Variants in PLXDC2 observed in about 807,000 individuals in gnomAD.
PLXDC2 encodes the protein plexin domain-containing protein 2.
Under a neutral mutation model 68.9 loss-of-function variants are expected in PLXDC2, and 40 were observed. That is an observed-to-expected ratio of 0.58 (90% CI 0.45 to 0.76). PLXDC2 has a LOEUF of 0.76. Among genes scored for constraint, PLXDC2 ranks in the 30% least tolerant of loss-of-function variants. The probability of loss-of-function intolerance (pLI) is 0.00; values close to 1 mark genes in which losing one functional copy is unlikely to be tolerated. For missense variants in PLXDC2, 644 were observed against 661.9 expected (o/e 0.97, Z 0.30); for synonymous variants, 243 against 234.2 (o/e 1.04, Z -0.34).
intron 4 of PLXDC2, among the ~76,000 whole-genome samples, chr10:20,142,387 A>G (rs1834018148): frequency 6.6e-6 from 1 of 152,082 alleles, no homozygotes; most frequent in African/African-American, 2.4e-5. Flanking sequence ...TTCTTAGATT[A>G]ATATTAAAAT....
intron 1 of PLXDC2, among the ~76,000 whole-genome samples, chr10:19,959,954 A>G (rs900033114): frequency 1.3e-5 from 2 of 152,208 alleles, no homozygotes; most frequent in African/African-American, 4.8e-5. Context: ...TATGTGGCAC[A>G]GATGTGAAAA....
intron 12 of PLXDC2, among the ~76,000 whole-genome samples, chr10:20,227,208 A>T (rs1835298422): frequency 6.6e-6 from 1 of 152,284 alleles, no homozygotes; most frequent in East Asian, 1.9e-4. Flanking sequence ...AGATGCAAAG[A>T]TCTACATGGT....
chr10:20,138,517 T>C (rs964688561), intron 4 of PLXDC2, among the ~76,000 whole-genome samples: 2 of 152,264 alleles, frequency 1.3e-5, no homozygotes, highest in Non-Finnish European at 2.9e-5. Flanking sequence ...CATGTGGCTT[T>C]AGGCAAATTG....
intron 13 of PLXDC2, among the ~76,000 whole-genome samples, chr10:20,276,527 T>G (rs1836009004): frequency 1.3e-5 from 2 of 152,166 alleles, no homozygotes; most frequent in Admixed American, 1.3e-4. Flanking sequence ...TTCTCAGAAA[T>G]GAAATTAGAA....
In PLXDC2 at chr10:20,116,507, CA is replaced by C. The variant is rs1254536701; in HGVS notation, c.542-26787del. On this transcript the variant is annotated intron_variant, in intron 4 of 13. Transcript: ENST00000377252. Reference sequence around the variant, plus strand: ...TAATAAGCCATTTTTTTTTTGAGAGCACTTCTTAATGCTTTACTTTGGTTGG... The same window carrying C: ...TAATAAGCCATTTTTTTTTTGAGAGCCTTCTTAATGCTTTACTTTGGTTGG... Among the ~76,000 whole-genome samples the C allele has an allele frequency of 2.6e-5, 4 of 151,836 alleles. No homozygotes were observed. In the East Asian group the frequency reaches 7.7e-4, roughly 29 times the overall value.
chr10:20,186,493 T>A (rs1564345955), intron 9 of PLXDC2, among the ~76,000 whole-genome samples: 1 of 151,820 alleles, frequency 6.6e-6, no homozygotes. Context: ...GGGTTTGATA[T>A]GTGGATTATT....
At chr10:19,858,355 A>T (rs17677856) in intron 1 of PLXDC2, among the ~76,000 whole-genome samples, 13,539 of 152,150 alleles carry the variant, frequency 0.089, 717 homozygotes, top group South Asian at 0.13. Context: ...TTCAAACCGA[A>T]ATCTGCAGTG....
chr10:19,966,762 A>G (rs1215715038), intron 1 of PLXDC2, among the ~76,000 whole-genome samples: 1 of 152,046 alleles, frequency 6.6e-6, no homozygotes, highest in Non-Finnish European at 1.5e-5. Context: ...TGAGAGACCC[A>G]TAATTTGAGA....
intron 1 of PLXDC2, among the ~76,000 whole-genome samples, chr10:19,930,025 G>GA (rs1279466915): frequency 6.7e-6 from 1 of 150,178 alleles, no homozygotes; most frequent in Non-Finnish European, 1.5e-5. Flanking sequence ...GAAGAGCATA[G>GA]ATGCTCATTT....
At chr10:20,051,412 AT>A (rs953839339) in intron 3 of PLXDC2, among the ~76,000 whole-genome samples, 1 of 11,290 alleles carries the variant, frequency 8.9e-5, no homozygotes, top group African/African-American at 7.2e-4. Context: ...ATATATATAT[AT>A]ATATATATAT....
chr10:20,211,759 G>A, intron 10 of PLXDC2, 30 bp downstream of exon 10: 2 of 1,601,804 alleles, frequency 1.2e-6, no homozygotes, highest in South Asian at 2.2e-5. Context: ...ACAGAATCCT[G>A]GGACCAAGCT....
intron 1 of PLXDC2, among the ~76,000 whole-genome samples, chr10:19,901,317 A>G (rs1838157128): frequency 6.6e-6 from 1 of 151,944 alleles, no homozygotes; most frequent in Admixed American, 6.6e-5. Context: ...TTCCCTTTTT[A>G]CCACCTCCCT....
intron 9 of PLXDC2, among the ~76,000 whole-genome samples, chr10:20,190,906 A>G (rs1026141866): frequency 1.3e-5 from 2 of 151,920 alleles, no homozygotes; most frequent in African/African-American, 2.4e-5. Flanking sequence ...TGACTATTTT[A>G]TATTTCTTAA....
At chr10:20,000,546 A>G (rs539553142) in intron 1 of PLXDC2, among the ~76,000 whole-genome samples, 1 of 152,314 alleles carries the variant, frequency 6.6e-6, no homozygotes, top group East Asian at 1.9e-4. Flanking sequence ...GCATCATGAC[A>G]TCAGACAATC....
chr10:19,944,286 T>A (rs1012533916), intron 1 of PLXDC2, among the ~76,000 whole-genome samples: 7 of 152,174 alleles, frequency 4.6e-5, no homozygotes, highest in Non-Finnish European at 7.4e-5. Context: ...AATCTGCTTT[T>A]TTTTCCCTCC....
intron 4 of PLXDC2, among the ~76,000 whole-genome samples, chr10:20,107,471 T>C (rs1450360689): frequency 6.6e-6 from 1 of 152,194 alleles, no homozygotes; most frequent in African/African-American, 2.4e-5. Flanking sequence ...GATTAAAAAT[T>C]AAAGGCAGAA....
At chr10:19,977,029 T>C (rs956512123) in intron 1 of PLXDC2, among the ~76,000 whole-genome samples, 1 of 152,244 alleles carries the variant, frequency 6.6e-6, no homozygotes, top group African/African-American at 2.4e-5. Context: ...AGGATATTAA[T>C]GATAGTGTCC....
chr10:20,234,065 G>T (rs1389509045), intron 12 of PLXDC2, among the ~76,000 whole-genome samples: 1 of 151,476 alleles, frequency 6.6e-6, no homozygotes, highest in East Asian at 1.9e-4. Context: ...GGCCTCAACT[G>T]ATCCTCTCGC....
At chr10:20,072,015 G>A (rs1200013704) in intron 4 of PLXDC2, among the ~76,000 whole-genome samples, 1 of 152,104 alleles carries the variant, frequency 6.6e-6, no homozygotes, top group Non-Finnish European at 1.5e-5. Flanking sequence ...TGAGTCTAGT[G>A]AAGGGGAGTT....
Sources: gnomAD v4.1 joint callset for allele counts (sites outside exome capture counted in the v4.1 genomes callset) on GRCh38, gnomAD v4.1.1 for gene constraint, MANE v1.5 for transcripts, NCBI Gene and HGNC (gene_info 2026-07-23, HGNC 2026-07-21) for gene names.